NR2F2: variants seen among roughly 807,000 people sequenced by gnomAD.
NR2F2 encodes COUP transcription factor 2.
Under a neutral mutation model 34.8 loss-of-function variants are expected in NR2F2, and 2 were observed. The observed-to-expected ratio is 0.06, with a 90% CI of 0.02 to 0.18. The LOEUF is 0.18. NR2F2 is among the 10% of genes least tolerant of loss of function. The probability of loss-of-function intolerance (pLI) is 1.00; values close to 1 mark genes in which losing one functional copy is unlikely to be tolerated. For missense variants in NR2F2, 300 were observed against 580.1 expected (o/e 0.52, Z 4.96); for synonymous variants, 274 against 251.8 (o/e 1.09, Z -0.84).
rs1204755636 is a variant in NR2F2 at position 96,338,055 on chromosome 15, C to G, written c.*433C>G. On this transcript the variant is annotated 3_prime_UTR_variant, in exon 3 of 3. Transcript: ENST00000394166. Reference sequence around the variant, plus strand: ...TCTAGCTGTTCTTTTTTGTACTTTTCTGGTTCCAAACCAGTTTATTCTGTG... The same window carrying G: ...TCTAGCTGTTCTTTTTTGTACTTTTGTGGTTCCAAACCAGTTTATTCTGTG... 2 of 153,926 alleles carry G rather than the reference C, an allele frequency of 1.3e-5. No individual in the cohort carries two copies. The highest frequency in any genetic ancestry group is 2.4e-5 in the African/African-American group (1 of 41,080). The allele number at this position is 153,926 out of a possible 1,614,324, so 9.5% of individuals were successfully genotyped here. A position where few individuals can be genotyped will look rare whatever the true frequency, so the allele number is the denominator to read the frequency against.
At chr15:96,333,766 G>A in intron 1 of NR2F2, 1 of 1,362,418 alleles carries the variant, frequency 7.3e-7, no homozygotes, top group Non-Finnish European at 9.4e-7. Context: ...GATGCCCTCA[G>A]AATGCTACAT....
In NR2F2 at chr15:96,333,241, C is replaced by G. The variant is rs907386464; in HGVS notation, c.442+694C>G. ...ATAAAATTCGCCGAGCGCCGCGAGC[C>G]GTGCTTTGCCAATGGCGCGCTCGGC... On this transcript the variant is annotated intron_variant, in intron 1 of 2. Transcript: ENST00000394166. 16 of 656,624 alleles carry G rather than the reference C, an allele frequency of 2.4e-5. No individual in the cohort carries two copies. In the Admixed American group the frequency reaches 8.2e-4, roughly 34 times the overall value. 40.7% of individuals were successfully genotyped at this position (656,624 alleles called of 1,614,324 possible).
intron 2 of NR2F2, among the ~76,000 whole-genome samples, chr15:96,334,806 A>C (rs1047611624): frequency 6.6e-6 from 1 of 152,266 alleles, no homozygotes; most frequent in Non-Finnish European, 1.5e-5. Context: ...GGATTGCAGG[A>C]AGGATGCTTC....
intron 2 of NR2F2, among the ~76,000 whole-genome samples, chr15:96,336,006 A>T (rs541432888): frequency 1.4e-4 from 22 of 152,278 alleles, no homozygotes; most frequent in African/African-American, 5.1e-4. Flanking sequence ...CCTGCTGCAG[A>T]TATACAGACA....
Position 96,337,802 on chromosome 15 carries a change from G to C in NR2F2, c.*180G>C. ...AAAAAAAAAAAAAAGACTGTCAAAT[G>C]AACTTTTACAGAATGCATTAAAAAA... is the stretch of plus-strand genomic sequence containing the variant. On this transcript the variant is annotated 3_prime_UTR_variant, in exon 3 of 3. Coordinates refer to ENST00000394166, the MANE Select transcript of NR2F2 (RefSeq NM_021005.4). 6.2e-6 allele frequency: 2 copies of C among 322,280 alleles called. No individual in the cohort carries two copies. 20.0% of individuals were successfully genotyped at this position (322,280 alleles called of 1,614,324 possible).
At chr15:96,329,090 A>G (rs1035424533), upstream of NR2F2, among the ~76,000 whole-genome samples, 2 of 151,890 alleles carry the variant, frequency 1.3e-5, no homozygotes, top group African/African-American at 2.4e-5. Flanking sequence ...TTTACTCTTC[A>G]TATGTGTTCA....
intron 2 of NR2F2, among the ~76,000 whole-genome samples, chr15:96,337,051 C>T (rs570798791): frequency 3.7e-4 from 56 of 152,182 alleles, no homozygotes; most frequent in Admixed American, 5.9e-4. Context: ...CTCTCAATGA[C>T]CCAGGCTAAG....
Position 96,332,480 on chromosome 15 carries a change from G to A in NR2F2, c.375G>A (p.Gln125=). Residue 125 remains glutamine (Q), a synonymous_variant, in exon 1 of 3, where the codon CAG becomes CAA. Coordinates refer to ENST00000394166, the MANE Select transcript of NR2F2 (RefSeq NM_021005.4). ...CCAACCGGAACTGTCCCATCGACCA[G>A]CACCATCGCAACCAGTGCCAGTACT... is the stretch of plus-strand genomic sequence containing the variant. The part of the protein sequence containing the change: ...CRANRNCPID[Q]HHRNQCQYCR... The A allele has an allele frequency of 6.2e-7, 1 of 1,614,212 alleles. No homozygotes were observed. Among genetic ancestry groups the A allele is most frequent in the Non-Finnish European group, 8.5e-7 (1 of 1,180,030 alleles).
chr15:96,331,653 G>T lies in NR2F2; in HGVS notation c.-453G>T. 8.7e-7 allele frequency: 1 copy of T among 1,152,258 alleles called. No homozygotes were observed. The highest frequency in any genetic ancestry group is 1.1e-6 in the Non-Finnish European group (1 of 918,492). 71.4% of individuals were successfully genotyped at this position (1,152,258 alleles called of 1,614,324 possible). On this transcript the variant is annotated 5_prime_UTR_variant, in exon 1 of 3. Coordinates refer to ENST00000394166, the MANE Select transcript of NR2F2 (RefSeq NM_021005.4). ...CTAAGAGCGAGAGTGAACGAGAGAG[G>T]GAGGGAGAGAGTGAGAGCGAGCGAG... is the stretch of plus-strand genomic sequence containing the variant.
chr15:96,332,621 G>A (rs550952784), intron 1 of NR2F2, 74 bp downstream of exon 1: 1 of 1,557,516 alleles, frequency 6.4e-7, no homozygotes, highest in Non-Finnish European at 8.7e-7. Flanking sequence ...GCCTGCTCTG[G>A]GTAAGGACAA....
rs765401593 is a variant in NR2F2, at chr15:96,334,335, C to A, written c.702C>A (p.Pro234=). The A allele has an allele frequency of 6.2e-7, 1 of 1,614,222 alleles. No homozygotes were observed. The change falls in exon 2 of 3, where the codon CCC becomes CCA. Residue 234 remains proline (P), a synonymous_variant. Transcript: ENST00000394166. Reference sequence around the variant, plus strand: ...GGGCCCGGAACATCCCCTTCTTCCCCGACCTGCAGATCACGGACCAGGTGG... The same window carrying A: ...GGGCCCGGAACATCCCCTTCTTCCCAGACCTGCAGATCACGGACCAGGTGG... The part of the protein sequence containing the change: ...VEWARNIPFF[P]DLQITDQVAL...
chr15:96,326,641 C>T (rs1297769789), upstream of NR2F2, among the ~76,000 whole-genome samples: 1 of 152,062 alleles, frequency 6.6e-6, no homozygotes, highest in African/African-American at 2.4e-5. The surrounding 1 kb of genome is among the most constrained non-coding windows in gnomAD (Gnocchi z 5.5). Context: ...GTTAAGACTG[C>T]GGAGCCTCCT....
chr15:96,337,696 T>A lies in NR2F2; in HGVS notation c.*74T>A, dbSNP rs942878828. 6.8e-7 allele frequency: 1 copy of A among 1,471,568 alleles called. No homozygotes were observed. Among genetic ancestry groups the A allele is most frequent in the Non-Finnish European group, 9.2e-7 (1 of 1,084,910 alleles). 91.2% of individuals were successfully genotyped at this position (1,471,568 alleles called of 1,614,324 possible). On this transcript the variant is annotated 3_prime_UTR_variant, in exon 3 of 3. Transcript: ENST00000394166. ...GACTGGTTTGTTTGCTTAATTTCCT[T>A]CTGTTAAGAAAGGATATAAAAGGAT...
In NR2F2 at chr15:96,339,975, C is replaced by G. The variant is rs1899455015; in HGVS notation, c.*2353C>G. 1 of 152,092 alleles carries G rather than the reference C, an allele frequency of 6.6e-6. No homozygotes were observed. The highest frequency in any genetic ancestry group is 1.5e-5 in the Non-Finnish European group (1 of 68,018). 9.4% of individuals were successfully genotyped at this position (152,092 alleles called of 1,614,324 possible). A position where few individuals can be genotyped will look rare whatever the true frequency, so the allele number is the denominator to read the frequency against. ...GCAGACCAGTAAAATCTGATTTGTGCAGAGTTCTCCATCTGACTCTCACTT... is the reference window on the plus strand; with the variant it reads ...GCAGACCAGTAAAATCTGATTTGTGGAGAGTTCTCCATCTGACTCTCACTT... On this transcript the variant is annotated 3_prime_UTR_variant, in exon 3 of 3. Coordinates refer to ENST00000394166, the MANE Select transcript of NR2F2 (RefSeq NM_021005.4).
At position 96,331,917 on chromosome 15, in the gene NR2F2, C is replaced by CA. The variant is rs1289836092; in HGVS notation, c.-183dup. ...CGACAAAACTTTGCAAAAGCAAAAA[C>CA]AAAAAAGGAAAAACTAACCAACCTC... On this transcript the variant is annotated 5_prime_UTR_variant, in exon 1 of 3. Transcript: ENST00000394166. 1 of 1,208,572 alleles carries CA rather than the reference C, an allele frequency of 8.3e-7. No individual in the cohort carries two copies. The highest frequency in any genetic ancestry group is 1.0e-6 in the Non-Finnish European group (1 of 973,752). The allele number at this position is 1,208,572 out of a possible 1,614,324, so 74.9% of individuals were successfully genotyped here. A position where few individuals can be genotyped will look rare whatever the true frequency, so the allele number is the denominator to read the frequency against.
rs746596432 is a variant in NR2F2, at chr15:96,334,101, G to A, written c.468G>A (p.Pro156=). ...REAVQRGRMP[P]TQPTHGQFAL... ...CGGTGCAGAGGGGCAGGATGCCGCC[G>A]ACCCAGCCGACCCACGGGCAGTTCG... Residue 156 remains proline, a synonymous_variant, in exon 2 of 3, where the codon CCG becomes CCA. Coordinates refer to ENST00000394166, the MANE Select transcript of NR2F2 (RefSeq NM_021005.4). 2 of 1,613,182 alleles carry A rather than the reference G, an allele frequency of 1.2e-6. No homozygotes were observed. Among genetic ancestry groups the A allele is most frequent in the Middle Eastern group, 1.6e-4 (1 of 6,062 alleles).
chr15:96,336,540 C>T (rs963884816), intron 2 of NR2F2, among the ~76,000 whole-genome samples: 5 of 151,988 alleles, frequency 3.3e-5, no homozygotes, highest in Admixed American at 2.6e-4. Context: ...CAACCTGAAC[C>T]GCCTTTACCA....
chr15:96,333,046 G>C (rs1899198659), intron 1 of NR2F2: 1 of 154,968 alleles, frequency 6.5e-6, no homozygotes, highest in African/African-American at 2.4e-5. Context: ...CGCCCGGGCA[G>C]CGCTCATGTG....
intron 1 of NR2F2, chr15:96,333,515 A>G: frequency 1.0e-6 from 1 of 1,001,640 alleles, no homozygotes; most frequent in Non-Finnish European, 1.2e-6. Flanking sequence ...CTCCGAGCAC[A>G]CTGATTAGAC....
Sources: gnomAD v4.1 joint callset for allele counts (sites outside exome capture counted in the v4.1 genomes callset) on GRCh38, gnomAD v4.1.1 for gene constraint, Gnocchi (gnomAD v3.1) non-coding constraint, MANE v1.5 for transcripts, NCBI Gene and HGNC (gene_info 2026-07-23, HGNC 2026-07-21) for gene names.